CENPO: variants seen among roughly 807,000 people sequenced by gnomAD.
The protein encoded by CENPO is centromeric protein O.
In CENPO, 30 loss-of-function variants were observed where a neutral mutation model predicts 36.1. The observed-to-expected ratio is 0.83, with a 90% confidence interval of 0.62 to 1.13. CENPO has a LOEUF of 1.13. CENPO is among the 50% of genes most tolerant of loss of function. The pLI is 0.00. For synonymous variants in CENPO, 171 were observed against 142.3 expected (o/e 1.20, Z -1.44); for missense variants, 349 against 357.8 (o/e 0.98, Z 0.20).
intron 3 of CENPO, among the ~76,000 whole-genome samples, chr2:24,802,627 C>T (rs911200051): frequency 2.0e-4 from 30 of 152,066 alleles, no homozygotes; most frequent in South Asian, 8.3e-4. Context: ...TGCTGGATTA[C>T]GTTTATTGAT....
intron 3 of CENPO, among the ~76,000 whole-genome samples, chr2:24,807,882 T>A (rs1042181094): frequency 6.6e-6 from 1 of 152,258 alleles, no homozygotes; most frequent in African/African-American, 2.4e-5. Context: ...TCATAACCAG[T>A]GATGGTGAAT....
At chr2:24,794,431 A>G (rs1325622241) in intron 2 of CENPO, among the ~76,000 whole-genome samples, 4 of 152,246 alleles carry the variant, frequency 2.6e-5, no homozygotes, top group Non-Finnish European at 5.9e-5. Flanking sequence ...TGGAGGTGAA[A>G]ATAGCACTGT....
At chr2:24,796,989 G>A (rs775377032) in intron 2 of CENPO, among the ~76,000 whole-genome samples, 4 of 152,184 alleles carry the variant, frequency 2.6e-5, no homozygotes, top group Non-Finnish European at 4.4e-5. Context: ...AGTAGGCCTC[G>A]TAGGCAGTGT....
chr2:24,802,569 G>A (rs1666207981), intron 3 of CENPO, among the ~76,000 whole-genome samples: 1 of 152,170 alleles, frequency 6.6e-6, no homozygotes. Flanking sequence ...GGCCTTTTCT[G>A]CATCTATCGA....
intron 7 of CENPO, among the ~76,000 whole-genome samples, chr2:24,818,390 T>TA (rs1264568885): frequency 2.8e-3 from 426 of 150,428 alleles, no homozygotes; most frequent in Non-Finnish European, 4.1e-3. Context: ...TTTTTTTTTT[T>TA]TAAAAGGAAA....
intron 2 of CENPO, among the ~76,000 whole-genome samples, chr2:24,795,787 G>A (rs186622370): frequency 5.7e-4 from 87 of 152,264 alleles, no homozygotes; most frequent in African/African-American, 1.9e-3. Flanking sequence ...TGTAAGCTCC[G>A]TGAGGACAGG....
intron 2 of CENPO, among the ~76,000 whole-genome samples, chr2:24,796,307 T>C (rs536648341): frequency 6.6e-6 from 1 of 152,154 alleles, no homozygotes; most frequent in Non-Finnish European, 1.5e-5. Context: ...TGAGCTGAGA[T>C]CGCGCCACTG....
At chr2:24,813,813 A>G (rs1280240218) in intron 3 of CENPO, among the ~76,000 whole-genome samples, 1 of 152,232 alleles carries the variant, frequency 6.6e-6, no homozygotes, top group Non-Finnish European at 1.5e-5. Context: ...AAGCCAGCTC[A>G]GAGCATTTGT....
chr2:24,815,585 C>A lies in CENPO; in HGVS notation c.423C>A (p.Asp141Glu). The A allele has an allele frequency of 5.6e-6, 9 of 1,613,990 alleles. No homozygotes were observed. The highest frequency in any genetic ancestry group is 7.6e-6 in the Non-Finnish European group (9 of 1,179,896). The change falls in exon 5 of 8, where the codon GAC (aspartate) becomes GAA (glutamate). Residue 141 changes from aspartate (D) to glutamate (E), a missense_variant. Asp to Glu is a conservative substitution (Grantham distance 45, BLOSUM62 2). Coordinates refer to ENST00000380834, the MANE Select transcript of CENPO (RefSeq NM_001322101.2). ...ACCTATTGGATTCCTATTTTGTGGA[C>A]CTTGTCATACAGAAACCACTCCGGA... ...EGNLLDSYFV[D>E]LVIQKPLRIH...
Position 24,822,319 on chromosome 2 carries a change from G to A in CENPO, c.*3001G>A, listed in dbSNP as rs1244168262. ...AGCTGTGAACAGCAGGGGGTTGTGT[G>A]TCTGTTCTGTTTCTCTGCTTGCCGA... On this transcript the variant is annotated 3_prime_UTR_variant, in exon 8 of 8. Coordinates refer to ENST00000380834, the MANE Select transcript of CENPO (RefSeq NM_001322101.2). 15 of 744,332 alleles carry A rather than the reference G, an allele frequency of 2.0e-5. No homozygotes were observed. The highest frequency in any genetic ancestry group is 2.5e-5 in the Non-Finnish European group (12 of 470,900). The allele number at this position is 744,332 out of a possible 1,614,324, so 46.1% of individuals were successfully genotyped here. A position where few individuals can be genotyped will look rare whatever the true frequency, so the allele number is the denominator to read the frequency against.
chr2:24,821,395 G>C lies in CENPO; in HGVS notation c.*2077G>C, dbSNP rs1481497940. The C allele has an allele frequency of 1.7e-5, 24 of 1,410,588 alleles. No homozygotes were observed. The highest frequency in any genetic ancestry group is 2.1e-5 in the Non-Finnish European group (22 of 1,038,312). 87.4% of individuals were successfully genotyped at this position (1,410,588 alleles called of 1,614,324 possible). A position where few individuals can be genotyped will look rare whatever the true frequency, so the allele number is the denominator to read the frequency against. ...TTTCAGGTCTCCTTGCCCTGTGAGT[G>C]CGTGAACCTCCCCACCCGAATTGCC... On this transcript the variant is annotated 3_prime_UTR_variant, in exon 8 of 8. Coordinates refer to ENST00000380834, the MANE Select transcript of CENPO (RefSeq NM_001322101.2).
At chr2:24,803,294 G>A (rs369446316) in intron 3 of CENPO, among the ~76,000 whole-genome samples, 1 of 151,422 alleles carries the variant, frequency 6.6e-6, no homozygotes, top group Admixed American at 6.6e-5. Flanking sequence ...TGGATTCATT[G>A]ATTTTTTGAA....
At chr2:24,811,765 T>A (rs919584169) in intron 3 of CENPO, among the ~76,000 whole-genome samples, 1 of 151,966 alleles carries the variant, frequency 6.6e-6, no homozygotes, top group African/African-American at 2.4e-5. Flanking sequence ...CCGGCCAATT[T>A]TTTTGTATTT....
At chr2:24,806,568 A>G (rs1335641239) in intron 3 of CENPO, among the ~76,000 whole-genome samples, 1 of 152,112 alleles carries the variant, frequency 6.6e-6, no homozygotes, top group Admixed American at 6.5e-5. Context: ...TGTTACCTCA[A>G]TCATATACAT....
chr2:24,807,051 C>T (rs147880420), intron 3 of CENPO, among the ~76,000 whole-genome samples: 23 of 152,294 alleles, frequency 1.5e-4, no homozygotes, highest in African/African-American at 5.3e-4. Context: ...CTTCATGAAA[C>T]ACCGCACCAT....
rs1028319720 is a variant in CENPO, at chr2:24,820,504, G to A, written c.*1186G>A. On this transcript the variant is annotated 3_prime_UTR_variant, in exon 8 of 8. Coordinates refer to ENST00000380834, the MANE Select transcript of CENPO (RefSeq NM_001322101.2). ...GTTCATACCCAAAGGTAGGCCATAT[G>A]CATCTAGAACTTCAGCCCAGATTTT... 1.5e-5 allele frequency: 21 copies of A among 1,403,260 alleles called. 2 individuals are homozygous for A. In the Middle Eastern group the frequency reaches 1.3e-3, roughly 85 times the overall value. The allele number at this position is 1,403,260 out of a possible 1,614,324, so 86.9% of individuals were successfully genotyped here. A position where few individuals can be genotyped will look rare whatever the true frequency, so the allele number is the denominator to read the frequency against.
In CENPO at chr2:24,821,619, GCT is replaced by G; in HGVS notation, c.*2309_*2310del. 3.7e-6 allele frequency: 6 copies of G among 1,614,052 alleles called. No homozygotes were observed. The highest frequency in any genetic ancestry group is 5.1e-6 in the Non-Finnish European group (6 of 1,180,008). On this transcript the variant is annotated 3_prime_UTR_variant, in exon 8 of 8. Coordinates refer to ENST00000380834, the MANE Select transcript of CENPO (RefSeq NM_001322101.2). ...GCCAGGTCAGCCAGGTGCTGCCAGC[GCT>G]CTCTCTCGGACTTGTCTTCCTGTGC...
intron 6 of CENPO, 90 bp from the exon 7 acceptor site, chr2:24,817,580 C>T: frequency 1.3e-6 from 2 of 1,542,806 alleles, no homozygotes; most frequent in Non-Finnish European, 1.8e-6. Context: ...CCGATTCCCC[C>T]AGCTGCACTG....
chr2:24,817,146 G>A (rs1009508617), intron 6 of CENPO, among the ~76,000 whole-genome samples: 1 of 152,186 alleles, frequency 6.6e-6, no homozygotes, highest in African/African-American at 2.4e-5. Flanking sequence ...GTCAGTTATG[G>A]TGGATGGAGC....
Sources: allele counts gnomAD v4.1 joint callset (sites outside exome capture counted in the v4.1 genomes callset), GRCh38; gene constraint gnomAD v4.1.1; transcripts MANE v1.5; gene names NCBI Gene and HGNC (gene_info 2026-07-23, HGNC 2026-07-21).